Variants in CATSPERB observed in about 807,000 individuals in gnomAD.
CATSPERB encodes the protein cation channel sperm-associated auxiliary subunit beta.
In CATSPERB, 93 loss-of-function variants were observed where a neutral mutation model predicts 128.3. That is an observed-to-expected ratio of 0.72 (90% CI 0.61 to 0.86). The LOEUF (loss-of-function observed/expected upper bound fraction) is 0.86. Among genes scored for constraint, CATSPERB ranks in the 40% least tolerant of loss-of-function variants. The pLI is 0.00. For missense variants in CATSPERB, 1,153 were observed against 1,329.5 expected (o/e 0.87, Z 2.06); for synonymous variants, 381 against 448.8 (o/e 0.85, Z 1.91).
At chr14:91,677,530 A>G (rs1328253902) in intron 11 of CATSPERB, among the ~76,000 whole-genome samples, 1 of 152,234 alleles carries the variant, frequency 6.6e-6, no homozygotes, top group Non-Finnish European at 1.5e-5. Context: ...ACCTGTCAGA[A>G]TGGTGATTAT....
intron 17 of CATSPERB, among the ~76,000 whole-genome samples, chr14:91,632,801 G>A (rs1215125646): frequency 8.1e-6 from 1 of 123,232 alleles, no homozygotes; most frequent in Non-Finnish European, 1.7e-5. Flanking sequence ...CACTGATTGA[G>A]TTAAAGTCAC....
chr14:91,665,839 C>A (rs898616642), intron 14 of CATSPERB, among the ~76,000 whole-genome samples: 1 of 151,946 alleles, frequency 6.6e-6, no homozygotes, highest in African/African-American at 2.4e-5. Flanking sequence ...AACAAGACTC[C>A]GTCTCAAAAA....
chr14:91,686,955 C>T (rs1478055953), intron 10 of CATSPERB, among the ~76,000 whole-genome samples: 3 of 152,128 alleles, frequency 2.0e-5, no homozygotes, highest in African/African-American at 4.8e-5. Flanking sequence ...GAAAAAGAGG[C>T]TATTCTCCAT....
chr14:91,626,708 C>T (rs1055852171), intron 17 of CATSPERB, among the ~76,000 whole-genome samples: 4 of 152,142 alleles, frequency 2.6e-5, no homozygotes, highest in African/African-American at 4.8e-5. Flanking sequence ...GTGGGCCCCC[C>T]AGTCTTGGAT....
chr14:91,716,434 C>T (rs996178502), intron 5 of CATSPERB, among the ~76,000 whole-genome samples: 3 of 151,976 alleles, frequency 2.0e-5, no homozygotes, highest in Admixed American at 1.3e-4. Flanking sequence ...AAAAATTAGC[C>T]GGGCCTGGTG....
At chr14:91,608,915 T>A (rs1262447537) in intron 21 of CATSPERB, among the ~76,000 whole-genome samples, 2 of 152,162 alleles carry the variant, frequency 1.3e-5, no homozygotes, top group African/African-American at 4.8e-5. Context: ...CACATATAAC[T>A]TTTGACCACC....
At chr14:91,722,600 T>A (rs1228782569) in intron 4 of CATSPERB, among the ~76,000 whole-genome samples, 1 of 152,190 alleles carries the variant, frequency 6.6e-6, no homozygotes, top group Non-Finnish European at 1.5e-5. Context: ...TGCACAACTC[T>A]ATGAATATAC....
chr14:91,690,400 G>A (rs1298281874), intron 10 of CATSPERB, among the ~76,000 whole-genome samples: 1 of 152,094 alleles, frequency 6.6e-6, no homozygotes, highest in Non-Finnish European at 1.5e-5. Flanking sequence ...AAACAGCATA[G>A]ACAGGGCTCC....
chr14:91,704,687 A>T lies in CATSPERB; in HGVS notation c.481T>A (p.Trp161Arg), dbSNP rs1248963059. 1 of 1,613,364 alleles carries T rather than the reference A, an allele frequency of 6.2e-7. No individual in the cohort carries two copies. The highest frequency in any genetic ancestry group is 8.5e-7 in the Non-Finnish European group (1 of 1,179,726). The stretch of plus-strand genomic sequence containing the variant: ...TCTGGAATCACATCCCCAGGAGTCC[A>T]CTGAAGAATCGGTTCTGTGGAAATC... Reference protein sequence around the residue: ...LDVIREPILQWTPGDVIPESE... With the variant: ...LDVIREPILQRTPGDVIPESE... Residue 161 changes from tryptophan to arginine, a missense_variant, in exon 7 of 27, where the codon TGG becomes AGG. Transcript: ENST00000256343.
chr14:91,712,988 T>C (rs149503956), intron 5 of CATSPERB, among the ~76,000 whole-genome samples: 3 of 152,310 alleles, frequency 2.0e-5, no homozygotes, highest in South Asian at 4.1e-4. Context: ...AATGAAATGA[T>C]GTTGAATGAA....
chr14:91,610,053 G>T (rs1258364914), intron 21 of CATSPERB, among the ~76,000 whole-genome samples: 1 of 152,132 alleles, frequency 6.6e-6, no homozygotes, highest in East Asian at 1.9e-4. Context: ...TATGAGGTTT[G>T]TCTGTGAATT....
At chr14:91,718,319 G>A (rs982016712) in intron 5 of CATSPERB, among the ~76,000 whole-genome samples, 7 of 152,102 alleles carry the variant, frequency 4.6e-5, no homozygotes, top group Non-Finnish European at 7.4e-5. Flanking sequence ...TGGCACTGGC[G>A]CATCTATTGC....
chr14:91,604,975 C>T (rs1893674215), intron 22 of CATSPERB: 1 of 1,180,584 alleles, frequency 8.5e-7, no homozygotes, highest in Non-Finnish European at 1.3e-6. Flanking sequence ...ATTTCTGTCC[C>T]TGAAATCTAT....
intron 5 of CATSPERB, among the ~76,000 whole-genome samples, chr14:91,713,128 T>C (rs1003272278): frequency 2.0e-5 from 3 of 152,154 alleles, no homozygotes; most frequent in Admixed American, 2.0e-4. Context: ...ACTTCAACTA[T>C]ACCACTGTAG....
chr14:91,591,751 T>C (rs573872493), intron 23 of CATSPERB, 141 bp downstream of exon 23: 8 of 635,780 alleles, frequency 1.3e-5, no homozygotes, highest in Non-Finnish European at 1.9e-5. Context: ...TGGATCTTTC[T>C]AGCTCGGTGT....
intron 5 of CATSPERB, chr14:91,714,779 C>T (rs1895908496): frequency 6.6e-6 from 1 of 152,170 alleles, no homozygotes; most frequent in African/African-American, 2.4e-5. Context: ...AGGCTGGTTT[C>T]AAACTCCTGA....
intron 2 of CATSPERB, among the ~76,000 whole-genome samples, chr14:91,725,912 C>T (rs1220679551): frequency 2.0e-5 from 3 of 152,148 alleles, no homozygotes; most frequent in African/African-American, 7.2e-5. Context: ...GACCCCAGGC[C>T]TCAGAGCAGA....
chr14:91,588,251 T>C (rs1255575652), intron 24 of CATSPERB, among the ~76,000 whole-genome samples, 173 bp from the exon 25 acceptor site: 1 of 152,118 alleles, frequency 6.6e-6, no homozygotes, highest in Non-Finnish European at 1.5e-5. Context: ...AAGATTTCAC[T>C]CCATAACATG....
chr14:91,593,234 C>G (rs1307202572), intron 22 of CATSPERB, among the ~76,000 whole-genome samples: 3 of 152,228 alleles, frequency 2.0e-5, no homozygotes, highest in Non-Finnish European at 2.9e-5. Flanking sequence ...GGAGCTCCCA[C>G]ACAGAGTCCC....
Sources: gnomAD v4.1 joint callset for allele counts (sites outside exome capture counted in the v4.1 genomes callset) on GRCh38, gnomAD v4.1.1 for gene constraint, MANE v1.5 for transcripts, NCBI Gene and HGNC (gene_info 2026-07-23, HGNC 2026-07-21) for gene names.